NR3C2: variants seen among roughly 807,000 people sequenced by gnomAD.
NR3C2 encodes nuclear receptor subfamily 3 group C member 2, also known as mineralocorticoid receptor.
NR3C2 carries 15 observed loss-of-function variants against 86.4 expected under a neutral mutation model. The ratio of observed to expected loss-of-function variants is 0.17; its 90% confidence interval spans 0.12 to 0.27. NR3C2 has a LOEUF of 0.27. Among genes scored for constraint, NR3C2 ranks in the 10% least tolerant of loss-of-function variants. The pLI is 1.00. For synonymous variants in NR3C2, 458 were observed against 450.5 expected, an observed-to-expected ratio of 1.02 and a Z score of -0.21; for missense variants, 960 against 1,195.6, an observed-to-expected ratio of 0.80 and a Z score of 2.91.
chr4:148,196,078 C>T (rs754664772), intron 3 of NR3C2, among the ~76,000 whole-genome samples: 13 of 152,140 alleles, frequency 8.5e-5, no homozygotes, highest in South Asian at 2.1e-4. Context: ...TTGTAACCTA[C>T]GGGAGAGAGG....
chr4:148,314,198 A>G (rs1453296859), intron 2 of NR3C2, among the ~76,000 whole-genome samples: 1 of 152,148 alleles, frequency 6.6e-6, no homozygotes, highest in African/African-American at 2.4e-5. Context: ...GAAATGAAAG[A>G]GATGAGCAAG....
intron 2 of NR3C2, among the ~76,000 whole-genome samples, chr4:148,316,302 C>T (rs1358906696): frequency 2.6e-5 from 4 of 152,154 alleles, no homozygotes; most frequent in Non-Finnish European, 1.5e-5. Context: ...TTTATGCTTT[C>T]ATTTTATATG....
At chr4:148,247,817 C>A (rs972835046) in intron 3 of NR3C2, among the ~76,000 whole-genome samples, 12 of 151,836 alleles carry the variant, frequency 7.9e-5, no homozygotes, top group African/African-American at 2.9e-4. Context: ...CCCTTTTGGT[C>A]CCTTACCCCA....
chr4:148,138,174 C>T (rs1733437960), intron 6 of NR3C2, among the ~76,000 whole-genome samples: 2 of 152,178 alleles, frequency 1.3e-5, no homozygotes, highest in South Asian at 4.1e-4. Context: ...ATTGAAGGCT[C>T]ACTCACTCAA....
chr4:148,116,129 C>T (rs773213276), intron 7 of NR3C2, among the ~76,000 whole-genome samples: 1 of 152,080 alleles, frequency 6.6e-6, no homozygotes, highest in Admixed American at 6.6e-5. Flanking sequence ...TGGACATCAC[C>T]CTATACATGA....
chr4:148,346,808 T>C (rs1303004022), intron 2 of NR3C2, among the ~76,000 whole-genome samples: 12 of 99,634 alleles, frequency 1.2e-4, no homozygotes, highest in Admixed American at 4.5e-4. Flanking sequence ...ACTAGAAAAC[T>C]TACAATTACA....
chr4:148,249,946 T>A (rs1739495458), intron 3 of NR3C2, among the ~76,000 whole-genome samples: 1 of 152,160 alleles, frequency 6.6e-6, no homozygotes, highest in Non-Finnish European at 1.5e-5. Context: ...ATCAGAAAGA[T>A]GAGAGGGAGA....
rs11727894 is a variant in NR3C2, at chr4:148,355,428, C to T, written c.1757+79676G>A. ...TCTCTTTTGCCCAGAAGCCGCTACC[C>T]TACTCCCACTCTGAACCCTCTACCC... is the stretch of plus-strand genomic sequence containing the variant. On this transcript the variant is annotated intron_variant, in intron 2 of 8. Transcript: ENST00000358102. Among the ~76,000 whole-genome samples the T allele has an allele frequency of 5.9e-3, 902 of 152,292 alleles. 4 individuals are homozygous for T. Among genetic ancestry groups the T allele is most frequent in the Non-Finnish European group, 9.9e-3 (673 of 68,002 alleles).
chr4:148,199,354 C>T (rs999106808), intron 3 of NR3C2, among the ~76,000 whole-genome samples: 2 of 152,272 alleles, frequency 1.3e-5, no homozygotes, highest in African/African-American at 4.8e-5. Context: ...AAAGCCAGGA[C>T]TGTCCTATCT....
intron 2 of NR3C2, among the ~76,000 whole-genome samples, chr4:148,267,784 C>G (rs929753834): frequency 6.6e-6 from 1 of 151,934 alleles, no homozygotes; most frequent in Non-Finnish European, 1.5e-5. Context: ...ATTTGGAAAC[C>G]ACCAATATTT....
At chr4:148,178,189 G>A (rs1735466932) in intron 4 of NR3C2, among the ~76,000 whole-genome samples, 1 of 146,646 alleles carries the variant, frequency 6.8e-6, no homozygotes, top group Non-Finnish European at 1.5e-5. Flanking sequence ...AAATTAGCTG[G>A]GTGTGGCGGA....
At chr4:148,321,670 A>C (rs1743600801) in intron 2 of NR3C2, among the ~76,000 whole-genome samples, 1 of 151,942 alleles carries the variant, frequency 6.6e-6, no homozygotes, top group Admixed American at 6.6e-5. Flanking sequence ...GTTGGTTTAA[A>C]GTCTGTTTTA....
intron 4 of NR3C2, among the ~76,000 whole-genome samples, chr4:148,161,315 T>C (rs1165628573): frequency 6.6e-6 from 1 of 152,188 alleles, no homozygotes; most frequent in Non-Finnish European, 1.5e-5. Flanking sequence ...TCTGATCACT[T>C]TAAAAGATAT....
Position 148,312,869 on chromosome 4 carries a change from T to C in NR3C2, c.1758-52752A>G, listed in dbSNP as rs539842871. 4.9e-4 allele frequency among the ~76,000 whole-genome samples: 74 copies of C among 152,308 alleles called. 1 individual carries two copies. The highest frequency in any genetic ancestry group is 9.4e-4 in the Non-Finnish European group (64 of 68,002). ...TTTTTATGGGAAAAGCATATGTCTTTAGTTAAAGAGCAGTAGCCCAATTAA... is the reference window on the plus strand; with the variant it reads ...TTTTTATGGGAAAAGCATATGTCTTCAGTTAAAGAGCAGTAGCCCAATTAA... On this transcript the variant is annotated intron_variant, in intron 2 of 8. Coordinates refer to ENST00000358102, the MANE Select transcript of NR3C2 (RefSeq NM_000901.5).
At chr4:148,395,332 C>A (rs2126509095) in intron 2 of NR3C2, among the ~76,000 whole-genome samples, 1 of 152,134 alleles carries the variant, frequency 6.6e-6, no homozygotes, top group Middle Eastern at 3.4e-3. Flanking sequence ...AGAATATGGA[C>A]TTTTTTGGGG....
chr4:148,269,992 G>C (rs1217347686), intron 2 of NR3C2, among the ~76,000 whole-genome samples: 1 of 151,984 alleles, frequency 6.6e-6, no homozygotes, highest in Non-Finnish European at 1.5e-5. Context: ...TGCTGATACA[G>C]ATGGCATGAG....
At chr4:148,402,033 G>A (rs1384899934) in intron 2 of NR3C2, among the ~76,000 whole-genome samples, 4 of 152,176 alleles carry the variant, frequency 2.6e-5, no homozygotes, top group Non-Finnish European at 5.9e-5. Flanking sequence ...GCTAAATTAA[G>A]CAGAAAAATT....
At chr4:148,333,612 G>A (rs1021088624) in intron 2 of NR3C2, among the ~76,000 whole-genome samples, 3 of 152,088 alleles carry the variant, frequency 2.0e-5, no homozygotes, top group Non-Finnish European at 4.4e-5. Context: ...AGTCCCACAT[G>A]CTAGTCCCAC....
At chr4:148,087,279 C>A (rs1730858350) in intron 8 of NR3C2, among the ~76,000 whole-genome samples, 1 of 152,158 alleles carries the variant, frequency 6.6e-6, no homozygotes, top group African/African-American at 2.4e-5. Flanking sequence ...ATTCCATGCT[C>A]ATGAATAGGA....
Sources: gnomAD v4.1 joint callset for allele counts (sites outside exome capture counted in the v4.1 genomes callset) on GRCh38, gnomAD v4.1.1 for gene constraint, MANE v1.5 for transcripts, NCBI Gene and HGNC (gene_info 2026-07-23, HGNC 2026-07-21) for gene names.